The following KIF4B variants were observed in gnomAD, a reference collection of about 807,000 sequenced individuals.
KIF4B encodes chromosome-associated kinesin KIF4B.
KIF4B carries 60 observed loss-of-function variants against 69.0 expected under a neutral mutation model. The observed-to-expected ratio is 0.87, with a 90% confidence interval of 0.71 to 1.08. KIF4B has a LOEUF of 1.08. Ranked by LOEUF, KIF4B falls within the 50% of genes least tolerant of loss-of-function variation. The pLI is 0.00. For missense variants in KIF4B, 1,357 were observed against 1,451.9 expected (o/e 0.93, Z 1.06); for synonymous variants, 489 against 533.0 (o/e 0.92, Z 1.14).
At position 155,017,689 on chromosome 5, in the gene KIF4B, G is replaced by C. The variant is rs1036891990; in HGVS notation, c.*125G>C. On this transcript the variant is annotated 3_prime_UTR_variant, in exon 1 of 1. Coordinates refer to ENST00000435029, the MANE Select transcript of KIF4B (RefSeq NM_001099293.3). ...CTTGCCGTTGAAAAAAAGGAACAAAGCATTACTAAAAAGAAGGTAACCTTT... is the reference window on the plus strand; with the variant it reads ...CTTGCCGTTGAAAAAAAGGAACAAACCATTACTAAAAAGAAGGTAACCTTT... 6.3e-6 allele frequency: 9 copies of C among 1,435,400 alleles called. No homozygotes were observed. The highest frequency in any genetic ancestry group is 2.9e-5 in the African/African-American group (2 of 69,228). The allele number at this position is 1,435,400 out of a possible 1,614,324, so 88.9% of individuals were successfully genotyped here. A position where few individuals can be genotyped will look rare whatever the true frequency, so the allele number is the denominator to read the frequency against.
rs1443811525 is a variant in KIF4B, at chr5:155,015,854, G to A, written c.1995G>A (p.Lys665=). 34 of 1,614,168 alleles carry A rather than the reference G, an allele frequency of 2.1e-5. No individual in the cohort carries two copies. Among genetic ancestry groups the A allele is most frequent in the Non-Finnish European group, 2.8e-5 (33 of 1,180,026 alleles). Residue 665 remains lysine (K), a synonymous_variant, in exon 1 of 1, where the codon AAG becomes AAA. Transcript: ENST00000435029. ...ATGCTGAGAAGTTTAGACAATGGAA[G>A]CAGAAAAAAGACAAAGAAGTAATAC... is the stretch of plus-strand genomic sequence containing the variant. The part of the protein sequence containing the change: ...KEDAEKFRQW[K]QKKDKEVIQL...
Position 155,014,155 on chromosome 5 carries a change from G to A in KIF4B, c.296G>A (p.Gly99Glu). Reference sequence around the variant, plus strand: ...GGCTCTGGAAAAACCTATTCAATGGGAGGTGCATACACTGCGGAGCAGGAG... The same window carrying A: ...GGCTCTGGAAAAACCTATTCAATGGAAGGTGCATACACTGCGGAGCAGGAG... The part of the protein sequence containing the change: ...QTGSGKTYSM[G>E]GAYTAEQENE... Residue 99 changes from glycine to glutamate, a missense_variant, in exon 1 of 1, where the codon GGA becomes GAA. Coordinates refer to ENST00000435029, the MANE Select transcript of KIF4B (RefSeq NM_001099293.3). 2.5e-6 allele frequency: 4 copies of A among 1,614,230 alleles called. No homozygotes were observed. The highest frequency in any genetic ancestry group is 2.5e-6 in the Non-Finnish European group (3 of 1,180,050).
rs535091114 is a variant in KIF4B, at chr5:155,017,096, G to A, written c.3237G>A (p.Lys1079=). The A allele has an allele frequency of 6.2e-7, 1 of 1,614,136 alleles. No homozygotes were observed. Among genetic ancestry groups the A allele is most frequent in the African/African-American group, 1.3e-5 (1 of 75,052 alleles). ...DEEWKPTKLV[K]VSRKNIQGCS... ...AATGGAAGCCAACAAAATTAGTCAAGGTGTCCAGGAAGAACATCCAAGGGT... is the reference window on the plus strand; with the variant it reads ...AATGGAAGCCAACAAAATTAGTCAAAGTGTCCAGGAAGAACATCCAAGGGT... Residue 1079 remains lysine (K), a synonymous_variant, in exon 1 of 1, where the codon AAG becomes AAA. Transcript: ENST00000435029.
At position 155,017,740 on chromosome 5, in the gene KIF4B, TC is replaced by T; in HGVS notation, c.*180del. 1.7e-6 allele frequency: 2 copies of T among 1,168,110 alleles called. No homozygotes were observed. The highest frequency in any genetic ancestry group is 2.4e-6 in the Non-Finnish European group (2 of 845,490). The allele number at this position is 1,168,110 out of a possible 1,614,324, so 72.4% of individuals were successfully genotyped here. A position where few individuals can be genotyped will look rare whatever the true frequency, so the allele number is the denominator to read the frequency against. ...GTTGGATGTTGTCCCTCAGTCTCCA[TC>T]CCCAGACTACTGCTCTCTGCTCTCT... On this transcript the variant is annotated 3_prime_UTR_variant, in exon 1 of 1. Coordinates refer to ENST00000435029, the MANE Select transcript of KIF4B (RefSeq NM_001099293.3).
In KIF4B at chr5:155,017,109, A is replaced by C; in HGVS notation, c.3250A>C (p.Asn1084His). 1.2e-6 allele frequency: 2 copies of C among 1,614,182 alleles called. No individual in the cohort carries two copies. The highest frequency in any genetic ancestry group is 1.7e-6 in the Non-Finnish European group (2 of 1,180,018). The stretch of plus-strand genomic sequence containing the variant: ...AAAATTAGTCAAGGTGTCCAGGAAG[A>C]ACATCCAAGGGTGTTCCTGCAAGGG... ...PTKLVKVSRKNIQGCSCKGWC... is the reference protein window; with the variant it reads ...PTKLVKVSRKHIQGCSCKGWC... The change falls in exon 1 of 1, where the codon AAC becomes CAC. Residue 1084 changes from asparagine to histidine, a missense_variant. Transcript: ENST00000435029.
Position 155,017,287 on chromosome 5 carries a change from A to G in KIF4B, c.3428A>G (p.Lys1143Arg), listed in dbSNP as rs751317348. 82 of 1,614,060 alleles carry G rather than the reference A, an allele frequency of 5.1e-5. No homozygotes were observed. The highest frequency in any genetic ancestry group is 6.5e-5 in the Non-Finnish European group (77 of 1,180,038). Residue 1143 changes from lysine to arginine, a missense_variant, in exon 1 of 1, where the codon AAA (lysine) becomes AGA (arginine). Physicochemically the swap from Lys to Arg is conservative, Grantham distance 26. Transcript: ENST00000435029. ...ACCCAGGATTCCGAAGGCTCCTTCA[A>G]ACTGGAGGATCCTACCGAGGTGACC... ...EQTQDSEGSF[K>R]LEDPTEVTPG...
chr5:155,017,214 T>C lies in KIF4B; in HGVS notation c.3355T>C (p.Cys1119Arg), dbSNP rs1476780186. 9 of 1,614,016 alleles carry C rather than the reference T, an allele frequency of 5.6e-6. No homozygotes were observed. The African/African-American group carries it at 1.1e-4, about 19-fold the overall frequency. Reference protein sequence around the residue: ...GVDCSCDPTKCRNRQQGKDSL... With the variant: ...GVDCSCDPTKRRNRQQGKDSL... ...GGACTGTAGCTGTGACCCCACAAAG[T>C]GTCGGAACCGCCAGCAAGGCAAGGA... The change falls in exon 1 of 1, where the codon TGT (cysteine) becomes CGT (arginine). Residue 1119 changes from cysteine to arginine, a missense_variant. By Grantham distance (180) the Cys-to-Arg change is radical. Coordinates refer to ENST00000435029, the MANE Select transcript of KIF4B (RefSeq NM_001099293.3).
rs1765297264 is a variant in KIF4B at position 155,014,889 on chromosome 5, AT to A, written c.1032del (p.Ile344MetfsTer11). On this transcript the variant is annotated frameshift_variant, in exon 1 of 1. Transcript: ENST00000435029. LOFTEE classifies it high-confidence loss of function. ...AATCAAGAACAAACCTATTGTTAAT[AT>A]TGATCCCCACACAGCTGAACTTAAT... is the stretch of plus-strand genomic sequence containing the variant. ...RKIKNKPIVNIDPHTAELNHL... is the reference protein window; with the variant it reads ...RKIKNKPIVNXDPHTAELNHL... 1 of 1,614,078 alleles carries A rather than the reference AT, an allele frequency of 6.2e-7. No individual in the cohort carries two copies. Among genetic ancestry groups the A allele is most frequent in the African/African-American group, 1.3e-5 (1 of 74,934 alleles).
rs763158371 is a variant in KIF4B, at chr5:155,014,049, G to T, written c.190G>T (p.Val64Phe). 4 of 1,614,228 alleles carry T rather than the reference G, an allele frequency of 2.5e-6. No individual in the cohort carries two copies. The highest frequency in any genetic ancestry group is 3.4e-6 in the Non-Finnish European group (4 of 1,180,044). ...TGACCCCTGTACTGAGCAGGAAGAAGTCTTCAATAAAGCAGTAGCGCCGCT... is the reference window on the plus strand; with the variant it reads ...TGACCCCTGTACTGAGCAGGAAGAATTCTTCAATAAAGCAGTAGCGCCGCT... The part of the protein sequence containing the change: ...VFDPCTEQEE[V>F]FNKAVAPLIK... The change falls in exon 1 of 1, where the codon GTC becomes TTC. Residue 64 changes from valine to phenylalanine, a missense_variant. By Grantham distance (50) the Val-to-Phe change is conservative. Transcript: ENST00000435029.
chr5:155,014,613 G>C lies in KIF4B; in HGVS notation c.754G>C (p.Ala252Pro), dbSNP rs190973449. The change falls in exon 1 of 1, where the codon GCT becomes CCT. Residue 252 changes from alanine (A) to proline (P), a missense_variant. Transcript: ENST00000435029. ...ATCAGAAAGACAGAAGAAAACCAAG[G>C]CTGAAGGGGATCGTCTAAAAGAGGG... ...AGSERQKKTKAEGDRLKEGIN... is the reference protein window; with the variant it reads ...AGSERQKKTKPEGDRLKEGIN... 4 of 1,614,026 alleles carry C rather than the reference G, an allele frequency of 2.5e-6. No individual in the cohort carries two copies. The highest frequency in any genetic ancestry group is 2.7e-5 in the African/African-American group (2 of 74,910).
At position 155,015,285 on chromosome 5, in the gene KIF4B, T is replaced by A. The variant is rs914386535; in HGVS notation, c.1426T>A (p.Leu476Ile). ...TAACCTGCAGCAACTGATTACCCAG[T>A]TATCAGATGAAACTGTTGCTTGCAC... Reference protein sequence around the residue: ...ICNLQQLITQLSDETVACTAA... With the variant: ...ICNLQQLITQISDETVACTAA... Residue 476 changes from leucine to isoleucine, a missense_variant, in exon 1 of 1, where the codon TTA becomes ATA. Coordinates refer to ENST00000435029, the MANE Select transcript of KIF4B (RefSeq NM_001099293.3). 1.9e-6 allele frequency: 3 copies of A among 1,614,100 alleles called. No individual in the cohort carries two copies. The African/African-American group carries it at 4.0e-5, about 22-fold the overall frequency.
At position 155,016,038 on chromosome 5, in the gene KIF4B, A is replaced by C. The variant is rs772359345; in HGVS notation, c.2179A>C (p.Lys727Gln). The change falls in exon 1 of 1, where the codon AAG becomes CAG. Residue 727 changes from lysine to glutamine, a missense_variant. Coordinates refer to ENST00000435029, the MANE Select transcript of KIF4B (RefSeq NM_001099293.3). ...ALQKQREVTD[K>Q]RKETQSHGKE... is the part of the protein sequence containing the mutation. ...CCAGAAACAACGAGAGGTCACAGATAAGCGGAAAGAGACTCAGAGCCATGG... is the reference window on the plus strand; with the variant it reads ...CCAGAAACAACGAGAGGTCACAGATCAGCGGAAAGAGACTCAGAGCCATGG... 6.2e-7 allele frequency: 1 copy of C among 1,614,166 alleles called. No individual in the cohort carries two copies. The highest frequency in any genetic ancestry group is 8.5e-7 in the Non-Finnish European group (1 of 1,180,028).
chr5:155,014,670 G>A lies in KIF4B; in HGVS notation c.811G>A (p.Gly271Arg), dbSNP rs781306202. The A allele has an allele frequency of 6.2e-7, 1 of 1,614,028 alleles. No individual in the cohort carries two copies. Among genetic ancestry groups the A allele is most frequent in the Admixed American group, 1.7e-5 (1 of 60,012 alleles). ...TATTAACCGAGGCCTCCTATGCTTG[G>A]GAAATGTAATCAGTGCTCTTGGAGA... ...ININRGLLCL[G>R]NVISALGDDK... The change falls in exon 1 of 1, where the codon GGA (glycine) becomes AGA (arginine). Residue 271 changes from glycine (G) to arginine (R), a missense_variant. By Grantham distance (125) the Gly-to-Arg change is moderately radical. Transcript: ENST00000435029.
Position 155,014,711 on chromosome 5 carries a change from C to T in KIF4B, c.852C>T (p.Ser284=). ...CTCTTGGAGATGACAAAAAGGGTAG[C>T]TTTGTGCCCTACAGAGATTCCAAGT... ...ISALGDDKKG[S]FVPYRDSKLT... is the part of the protein sequence containing the mutation. Residue 284 remains serine (S), a synonymous_variant, in exon 1 of 1, where the codon AGC becomes AGT. Coordinates refer to ENST00000435029, the MANE Select transcript of KIF4B (RefSeq NM_001099293.3). The T allele has an allele frequency of 6.2e-7, 1 of 1,614,088 alleles. No individual in the cohort carries two copies. The highest frequency in any genetic ancestry group is 2.2e-5 in the East Asian group (1 of 44,880).
In KIF4B at chr5:155,014,856, G is replaced by A. The variant is rs760916696; in HGVS notation, c.997G>A (p.Ala333Thr). 1.2e-6 allele frequency: 2 copies of A among 1,614,132 alleles called. No homozygotes were observed. The highest frequency in any genetic ancestry group is 1.1e-5 in the South Asian group (1 of 91,076). Residue 333 changes from alanine (A) to threonine (T), a missense_variant, in exon 1 of 1, where the codon GCA becomes ACA. Transcript: ENST00000435029. ...AAGTACCCTTCGCTATGCTGACAGA[G>A]CAAGAAAAATCAAGAACAAACCTAT... is the stretch of plus-strand genomic sequence containing the variant. ...TLSTLRYADR[A>T]RKIKNKPIVN...
At position 155,015,073 on chromosome 5, in the gene KIF4B, G is replaced by T. The variant is rs1484121829; in HGVS notation, c.1214G>T (p.Cys405Phe). The T allele has an allele frequency of 1.9e-6, 3 of 1,614,182 alleles. No individual in the cohort carries two copies. Among genetic ancestry groups the T allele is most frequent in the Admixed American group, 1.7e-5 (1 of 60,022 alleles). ...GAGGAGAATGAAAAATTAAGTCGTT[G>T]TCTGAGCAAGGCAGCTGGTCAGACA... is the stretch of plus-strand genomic sequence containing the variant. Reference protein sequence around the residue: ...LVEENEKLSRCLSKAAGQTAQ... With the variant: ...LVEENEKLSRFLSKAAGQTAQ... Residue 405 changes from cysteine (C) to phenylalanine (F), a missense_variant, in exon 1 of 1, where the codon TGT (cysteine) becomes TTT (phenylalanine). By Grantham distance (205) the Cys-to-Phe change is radical. Transcript: ENST00000435029.
Position 155,016,300 on chromosome 5 carries a change from A to G in KIF4B, c.2441A>G (p.Asp814Gly), listed in dbSNP as rs1265170352. 6.2e-7 allele frequency: 1 copy of G among 1,614,188 alleles called. No homozygotes were observed. Among genetic ancestry groups the G allele is most frequent in the Non-Finnish European group, 8.5e-7 (1 of 1,180,028 alleles). The part of the protein sequence containing the change: ...EVHGQVLESE[D>G]CITKQIESLE... Reference sequence around the variant, plus strand: ...CATGGTCAAGTTTTGGAGTCAGAAGATTGTATTACAAAACAGATTGAAAGC... The same window carrying G: ...CATGGTCAAGTTTTGGAGTCAGAAGGTTGTATTACAAAACAGATTGAAAGC... Residue 814 changes from aspartate to glycine, a missense_variant, in exon 1 of 1, where the codon GAT becomes GGT. By Grantham distance (94) the Asp-to-Gly change is moderately conservative. Transcript: ENST00000435029.
At position 155,016,334 on chromosome 5, in the gene KIF4B, T is replaced by C; in HGVS notation, c.2475T>C (p.Thr825=). The C allele has an allele frequency of 1.2e-6, 2 of 1,614,172 alleles. No individual in the cohort carries two copies. Among genetic ancestry groups the C allele is most frequent in the Non-Finnish European group, 1.7e-6 (2 of 1,180,032 alleles). ...CITKQIESLE[T]EMELRSAQIA... The stretch of plus-strand genomic sequence containing the variant: ...CAAAACAGATTGAAAGCCTAGAGAC[T>C]GAAATGGAACTCAGGAGTGCTCAGA... The change falls in exon 1 of 1, where the codon ACT becomes ACC. Residue 825 remains threonine, a synonymous_variant. Transcript: ENST00000435029.
rs528298056 is a variant in KIF4B, at chr5:155,016,180, T to G, written c.2321T>G (p.Leu774Arg). The change falls in exon 1 of 1, where the codon CTG (leucine) becomes CGG (arginine). Residue 774 changes from leucine (L) to arginine (R), a missense_variant. By Grantham distance (102) the Leu-to-Arg change is moderately radical. Coordinates refer to ENST00000435029, the MANE Select transcript of KIF4B (RefSeq NM_001099293.3). ...GACCTCCTTGAAGACAGAAAGATCC[T>G]GGCTCAGGATGTGGTTCAACTCAAA... ...LNDLLEDRKI[L>R]AQDVVQLKEK... The G allele has an allele frequency of 7.1e-5, 115 of 1,614,186 alleles. No homozygotes were observed. The South Asian group carries it at 1.2e-3, about 17-fold the overall frequency.
Sources: allele counts gnomAD v4.1 joint callset, GRCh38; gene constraint gnomAD v4.1.1; transcripts MANE v1.5; gene names NCBI Gene and HGNC (gene_info 2026-07-23, HGNC 2026-07-21).